FBXO42: variants seen among roughly 807,000 people sequenced by gnomAD.
The protein encoded by FBXO42 is F-box only protein 42.
Under a neutral mutation model 71.7 loss-of-function variants are expected in FBXO42, and 12 were observed. The observed-to-expected ratio is 0.17, with a 90% CI of 0.11 to 0.27. The LOEUF (loss-of-function observed/expected upper bound fraction) is 0.27, where lower values mean the gene tolerates loss of function less well. Ranked by LOEUF, FBXO42 falls within the 10% of genes least tolerant of loss-of-function variation. The pLI is 1.00. For missense variants in FBXO42, 707 were observed against 911.9 expected (o/e 0.78, Z 2.89); for synonymous variants, 325 against 327.5 (o/e 0.99, Z 0.08).
intron 6 of FBXO42, 46 bp downstream of exon 6, chr1:16,255,665 G>A (rs768742297): frequency 1.5e-5 from 23 of 1,491,406 alleles, no homozygotes; most frequent in Non-Finnish European, 2.0e-5. Flanking sequence ...TTATTCCCAG[G>A]AGTATTTACC....
At position 16,305,678 on chromosome 1, in the gene FBXO42, C is replaced by T. The variant is rs532986792; in HGVS notation, c.367+125G>A. The stretch of plus-strand genomic sequence containing the variant: ...GTAGTAAGCTGTGATTATGCCACTG[C>T]ACTCCAGCTTGGGTGATAGAGTGAG... On this transcript the variant is annotated intron_variant, in intron 3 of 9. Coordinates refer to ENST00000375592, the MANE Select transcript of FBXO42 (RefSeq NM_018994.3). 7 of 774,438 alleles carry T rather than the reference C, an allele frequency of 9.0e-6. No individual in the cohort carries two copies. The Admixed American group carries it at 9.9e-5, about 11-fold the overall frequency. 48.0% of individuals were successfully genotyped at this position (774,438 alleles called of 1,614,324 possible).
At chr1:16,321,166 T>C (rs937534331) in intron 1 of FBXO42, among the ~76,000 whole-genome samples, 6 of 152,174 alleles carry the variant, frequency 3.9e-5, no homozygotes, top group African/African-American at 1.2e-4. Context: ...ACCATTCAAC[T>C]GTTACACCCT....
chr1:16,328,494 C>T (rs2082469313), intron 1 of FBXO42, among the ~76,000 whole-genome samples: 1 of 152,058 alleles, frequency 6.6e-6, no homozygotes, highest in Admixed American at 6.6e-5. Flanking sequence ...TGGGAATTTA[C>T]AAATAGTCAA....
chr1:16,343,444 G>C (rs572007741), intron 1 of FBXO42, among the ~76,000 whole-genome samples: 5 of 152,272 alleles, frequency 3.3e-5, no homozygotes, highest in Admixed American at 6.5e-5. Context: ...TACTCAGGAG[G>C]CTGAGATGGG....
chr1:16,341,131 G>A (rs1250949631), intron 1 of FBXO42, among the ~76,000 whole-genome samples: 5 of 152,188 alleles, frequency 3.3e-5, no homozygotes, highest in Admixed American at 6.6e-5. Context: ...AGGCTGAGCA[G>A]CGTATATAGT....
intron 1 of FBXO42, among the ~76,000 whole-genome samples, chr1:16,323,287 G>C (rs902657533): frequency 6.6e-6 from 1 of 151,702 alleles, no homozygotes; most frequent in Non-Finnish European, 1.5e-5. Context: ...GCGTGGTGGT[G>C]GGCACCTGTA....
chr1:16,265,350 C>G (rs528013020), intron 4 of FBXO42, among the ~76,000 whole-genome samples: 3 of 152,248 alleles, frequency 2.0e-5, no homozygotes, highest in East Asian at 3.9e-4. Context: ...CTTGGCCCCC[C>G]AAAGTGCTGG....
chr1:16,345,034 G>A (rs1350270086), intron 1 of FBXO42, among the ~76,000 whole-genome samples: 2 of 152,102 alleles, frequency 1.3e-5, no homozygotes, highest in African/African-American at 4.8e-5. Flanking sequence ...GGGAGGCGGA[G>A]GTTATAGTGA....
intron 4 of FBXO42, among the ~76,000 whole-genome samples, chr1:16,272,346 G>A (rs545577399): frequency 1.3e-5 from 2 of 151,440 alleles, no homozygotes; most frequent in South Asian, 2.1e-4. Context: ...CGCAACTCCC[G>A]CCTCCCGGGT....
chr1:16,334,559 C>A (rs949614237), intron 1 of FBXO42, among the ~76,000 whole-genome samples: 9 of 151,984 alleles, frequency 5.9e-5, no homozygotes, highest in African/African-American at 2.2e-4. Flanking sequence ...TTAAAATAAC[C>A]CACAACTAAC....
At chr1:16,327,177 C>T (rs1056613482) in intron 1 of FBXO42, among the ~76,000 whole-genome samples, 3 of 152,064 alleles carry the variant, frequency 2.0e-5, no homozygotes, top group African/African-American at 4.8e-5. Flanking sequence ...ACCTTACTGA[C>T]GAGGGATGTT....
chr1:16,318,141 C>T (rs116745244), intron 1 of FBXO42, among the ~76,000 whole-genome samples: 4 of 152,038 alleles, frequency 2.6e-5, no homozygotes, highest in Non-Finnish European at 4.4e-5. Flanking sequence ...AAATACTGGC[C>T]GGGTGCAGTG....
chr1:16,277,261 G>T (rs575678344), intron 4 of FBXO42, among the ~76,000 whole-genome samples: 1 of 152,106 alleles, frequency 6.6e-6, no homozygotes, highest in Non-Finnish European at 1.5e-5. Flanking sequence ...CACAAGATTT[G>T]GCATTCTCCT....
chr1:16,327,176 A>T (rs1018750997), intron 1 of FBXO42, among the ~76,000 whole-genome samples: 12 of 152,136 alleles, frequency 7.9e-5, no homozygotes, highest in African/African-American at 2.9e-4. Flanking sequence ...TACCTTACTG[A>T]CGAGGGATGT....
At chr1:16,253,372 A>G (rs1193804920) in intron 7 of FBXO42, 1 of 595,248 alleles carries the variant, frequency 1.7e-6, no homozygotes, top group Non-Finnish European at 3.0e-6. Flanking sequence ...TCAAATATTA[A>G]CATGAATGTC....
At chr1:16,332,626 C>G (rs113822575) in intron 1 of FBXO42, among the ~76,000 whole-genome samples, 2,935 of 151,914 alleles carry the variant, frequency 0.019, 81 homozygotes, top group African/African-American at 0.068. Flanking sequence ...CTGCAACCCC[C>G]GTCTCCAGAG....
intron 1 of FBXO42, among the ~76,000 whole-genome samples, chr1:16,343,606 G>A (rs543619077): frequency 8.5e-5 from 13 of 152,056 alleles, no homozygotes; most frequent in Admixed American, 3.9e-4. Flanking sequence ...GGTACATCAC[G>A]AGGTCAGGAG....
At chr1:16,295,428 T>G (rs1323220619) in intron 3 of FBXO42, among the ~76,000 whole-genome samples, 1 of 152,146 alleles carries the variant, frequency 6.6e-6, no homozygotes, top group Non-Finnish European at 1.5e-5. Context: ...TCTCCCTCTG[T>G]CAGCCAGGCT....
intron 2 of FBXO42, among the ~76,000 whole-genome samples, chr1:16,310,218 G>A (rs541348681): frequency 1.1e-4 from 16 of 150,768 alleles, no homozygotes; most frequent in African/African-American, 3.2e-4. Context: ...AAAATTAGCC[G>A]GGCGTAGTAG....
Sources: allele counts gnomAD v4.1 joint callset (sites outside exome capture counted in the v4.1 genomes callset), GRCh38; gene constraint gnomAD v4.1.1; transcripts MANE v1.5; gene names NCBI Gene and HGNC (gene_info 2026-07-23, HGNC 2026-07-21).